RAB27A: variants seen among roughly 807,000 people sequenced by gnomAD.
The protein encoded by RAB27A is ras-related protein Rab-27A.
RAB27A carries 17 observed loss-of-function variants against 20.8 expected under a neutral mutation model. The ratio of observed to expected loss-of-function variants is 0.82; its 90% CI spans 0.56 to 1.23. The LOEUF is 1.23. RAB27A is among the 50% of genes most tolerant of loss of function. The pLI is 0.00. For synonymous variants in RAB27A, 85 were observed against 92.8 expected, an observed-to-expected ratio of 0.92 and a Z score of 0.48; for missense variants, 277 against 266.7, an observed-to-expected ratio of 1.04 and a Z score of -0.27.
chr15:55,267,562 G>A (rs780775422), intron 2 of RAB27A, among the ~76,000 whole-genome samples: 3 of 152,274 alleles, frequency 2.0e-5, no homozygotes, highest in African/African-American at 4.8e-5. Flanking sequence ...CATAGACAGC[G>A]CAAATAAATA....
At chr15:55,292,738 G>C (rs777513887), upstream of RAB27A, among the ~76,000 whole-genome samples, 7 of 152,174 alleles carry the variant, frequency 4.6e-5, no homozygotes, top group Non-Finnish European at 7.4e-5. Flanking sequence ...AAGTGAAGCT[G>C]TTTAGTATGT....
At chr15:55,280,074 T>C (rs928895437) in intron 1 of RAB27A, among the ~76,000 whole-genome samples, 10 of 152,196 alleles carry the variant, frequency 6.6e-5, no homozygotes, top group African/African-American at 2.4e-4. Flanking sequence ...AATCTGACAC[T>C]TTGCAATAAA....
At chr15:55,212,405 T>C (rs1306334786) in intron 6 of RAB27A, among the ~76,000 whole-genome samples, 1 of 152,032 alleles carries the variant, frequency 6.6e-6, no homozygotes, top group Non-Finnish European at 1.5e-5. Context: ...CTTTGGGGAG[T>C]ATTCAGAGGT....
chr15:55,310,359 C>T (rs1215844653), intron 2 of RAB27A, among the ~76,000 whole-genome samples: 2 of 152,142 alleles, frequency 1.3e-5, no homozygotes, highest in African/African-American at 4.8e-5. Context: ...AGGGTGATGG[C>T]ATGGGCTGGC....
intron 6 of RAB27A, among the ~76,000 whole-genome samples, chr15:55,223,096 A>G (rs907006741): frequency 1.3e-5 from 2 of 152,060 alleles, no homozygotes; most frequent in African/African-American, 4.8e-5. Flanking sequence ...GCCAAAGGAG[A>G]TCTCACACTC....
At chr15:55,243,616 G>A (rs1163606569) in intron 2 of RAB27A, among the ~76,000 whole-genome samples, 1 of 150,488 alleles carries the variant, frequency 6.6e-6, no homozygotes, top group Non-Finnish European at 1.5e-5. Flanking sequence ...GACACAGCGA[G>A]ACTCTATCTC....
chr15:55,303,011 G>C (rs1343257036), intron 2 of RAB27A, among the ~76,000 whole-genome samples: 2 of 144,752 alleles, frequency 1.4e-5, no homozygotes, highest in Non-Finnish European at 3.0e-5. Flanking sequence ...CGCCCGGCCA[G>C]CCGCCCCATC....
intron 3 of RAB27A, among the ~76,000 whole-genome samples, chr15:55,231,186 T>C (rs771381444): frequency 2.4e-4 from 37 of 152,202 alleles, no homozygotes; most frequent in Admixed American, 5.2e-4. Context: ...CTATGATGTA[T>C]ATGTACCACA....
chr15:55,231,257 G>A (rs1292833395), intron 3 of RAB27A, among the ~76,000 whole-genome samples: 1 of 152,116 alleles, frequency 6.6e-6, no homozygotes, highest in East Asian at 1.9e-4. Context: ...CTTTGCTATT[G>A]TGAATAGTGC....
chr15:55,312,244 C>G (rs1490304009), intron 2 of RAB27A, among the ~76,000 whole-genome samples: 1 of 152,094 alleles, frequency 6.6e-6, no homozygotes, highest in South Asian at 2.1e-4. Context: ...CAGCGGCAAA[C>G]AACAGGGGTG....
At chr15:55,313,476 T>C (rs1471850204) in intron 2 of RAB27A, among the ~76,000 whole-genome samples, 1 of 152,210 alleles carries the variant, frequency 6.6e-6, no homozygotes, top group Non-Finnish European at 1.5e-5. Context: ...AATCCATTTA[T>C]ACAACAATAA....
At chr15:55,255,724 T>G (rs1177811080) in intron 2 of RAB27A, among the ~76,000 whole-genome samples, 3 of 152,150 alleles carry the variant, frequency 2.0e-5, no homozygotes, top group African/African-American at 7.2e-5. Context: ...ACGAATGGCA[T>G]GAAAGAAACA....
chr15:55,294,366 G>T (rs146634960), upstream of RAB27A, among the ~76,000 whole-genome samples: 43 of 152,168 alleles, frequency 2.8e-4, no homozygotes, highest in African/African-American at 9.9e-4. Flanking sequence ...CATAGGTAGA[G>T]CCCTTGAGCT....
chr15:55,264,370 G>T (rs187036483), intron 2 of RAB27A, among the ~76,000 whole-genome samples: 42 of 152,138 alleles, frequency 2.8e-4, no homozygotes, highest in Non-Finnish European at 2.9e-5. Context: ...TTTATTTTGT[G>T]ATTTCTACAA....
intron 2 of RAB27A, among the ~76,000 whole-genome samples, chr15:55,308,681 G>C (rs544310280): frequency 1.3e-5 from 2 of 152,330 alleles, no homozygotes; most frequent in South Asian, 4.1e-4. Flanking sequence ...AAATGGGACT[G>C]GGTTAAGAGT....
At position 55,210,344 on chromosome 15, in the gene RAB27A, C is replaced by T. The variant is rs1303903084; in HGVS notation, c.468-4639G>A. 3.1e-4 allele frequency among the ~76,000 whole-genome samples: 46 copies of T among 150,284 alleles called. 1 individual carries two copies. Among genetic ancestry groups the T allele is most frequent in the Admixed American group, 3.0e-3 (46 of 15,084 alleles). On this transcript the variant is annotated intron_variant, in intron 6 of 6. Coordinates refer to ENST00000336787, the MANE Select transcript of RAB27A (RefSeq NM_183235.3). ...TGCTTATGCTAATTTACTTTCCCAC[C>T]AACAATGTACGGGTTCACCTTTCTC... is the stretch of plus-strand genomic sequence containing the variant.
At chr15:55,253,097 A>G (rs987580127) in intron 2 of RAB27A, among the ~76,000 whole-genome samples, 4 of 149,154 alleles carry the variant, frequency 2.7e-5, no homozygotes, top group Non-Finnish European at 4.4e-5. Context: ...GTGCCACTGC[A>G]CTCCAGCCTG....
chr15:55,269,533 G>A (rs537879489), intron 2 of RAB27A, among the ~76,000 whole-genome samples: 1 of 152,230 alleles, frequency 6.6e-6, no homozygotes, highest in South Asian at 2.1e-4. Context: ...GATCACTTGA[G>A]GTCAGGAGTT....
intron 2 of RAB27A, among the ~76,000 whole-genome samples, chr15:55,266,033 A>G (rs970491628): frequency 5.9e-5 from 9 of 152,226 alleles, no homozygotes; most frequent in Admixed American, 2.0e-4. Flanking sequence ...GAGCATCAGA[A>G]GGCTCTAATG....
Sources: allele counts gnomAD v4.1 joint callset (sites outside exome capture counted in the v4.1 genomes callset), GRCh38; gene constraint gnomAD v4.1.1; transcripts MANE v1.5; gene names NCBI Gene and HGNC (gene_info 2026-07-23, HGNC 2026-07-21).